The following ZSCAN22 variants were observed in gnomAD, a reference collection of about 807,000 sequenced individuals.
ZSCAN22 encodes zinc finger and SCAN domain-containing protein 22.
A neutral mutation model predicts 12.4 loss-of-function variants in ZSCAN22; 7 were observed. The ratio of observed to expected loss-of-function variants is 0.57; its 90% CI spans 0.32 to 1.06. The LOEUF (loss-of-function observed/expected upper bound fraction) is 1.06. Ranked by LOEUF, ZSCAN22 falls within the 50% of genes least tolerant of loss-of-function variation. ZSCAN22 has a pLI of 0.04. For missense variants in ZSCAN22, 576 were observed against 631.7 expected, an observed-to-expected ratio of 0.91 and a Z score of 0.94; for synonymous variants, 243 against 255.9, an observed-to-expected ratio of 0.95 and a Z score of 0.48.
chr19:58,339,446 TA>T lies in ZSCAN22; in HGVS notation c.*121del, dbSNP rs2147992302. 5 of 964,196 alleles carry T rather than the reference TA, an allele frequency of 5.2e-6. No homozygotes were observed. In the South Asian group the frequency reaches 8.7e-5, roughly 17 times the overall value. The allele number at this position is 964,196 out of a possible 1,614,324, so 59.7% of individuals were successfully genotyped here. On this transcript the variant is annotated 3_prime_UTR_variant, in exon 3 of 3. Transcript: ENST00000329665. This position sits in a 1 kb window ranked among gnomAD's most constrained non-coding sequence, Gnocchi z 5.6. ...GGTGATTGATGAGTTGTCAAAATGA[TA>T]GGTGCCTGAGGGCAGACTCGGGCTG...
intron 2 of ZSCAN22, among the ~76,000 whole-genome samples, chr19:58,336,918 T>G (rs1044736587): frequency 1.3e-5 from 2 of 152,192 alleles, no homozygotes; most frequent in African/African-American, 4.8e-5. Flanking sequence ...GAGTCCAGTT[T>G]CTGCACTGCT....
At position 58,340,863 on chromosome 19, in the gene ZSCAN22, C is replaced by T. The variant is rs150543982; in HGVS notation, c.*1537C>T. On this transcript the variant is annotated 3_prime_UTR_variant, in exon 3 of 3. Transcript: ENST00000329665. ...CCGGGAGCAGACTTCAGCTTGCCCT[C>T]TCTGCTTCCAGAGCACCTCCTAGAT... 2.6e-4 allele frequency: 39 copies of T among 152,250 alleles called. No homozygotes were observed. Among genetic ancestry groups the T allele is most frequent in the African/African-American group, 9.1e-4 (38 of 41,540 alleles). 9.4% of individuals were successfully genotyped at this position (152,250 alleles called of 1,614,324 possible). A position where few individuals can be genotyped will look rare whatever the true frequency, so the allele number is the denominator to read the frequency against.
intron 1 of ZSCAN22, among the ~76,000 whole-genome samples, chr19:58,333,243 GATGT>G (rs2051747628): frequency 6.6e-6 from 1 of 152,076 alleles, no homozygotes; most frequent in Non-Finnish European, 1.5e-5. Flanking sequence ...TTACTTTCTT[GATGT>G]GGTCCTTCAA....
intron 2 of ZSCAN22, among the ~76,000 whole-genome samples, chr19:58,337,381 G>T (rs1260971009): frequency 6.6e-6 from 1 of 151,382 alleles, no homozygotes; most frequent in Non-Finnish European, 1.5e-5. Context: ...AAGGCGTTGA[G>T]TGTGAGGGAC....
intron 1 of ZSCAN22, among the ~76,000 whole-genome samples, chr19:58,332,394 C>T (rs2051738074): frequency 6.6e-6 from 1 of 151,300 alleles, no homozygotes; most frequent in South Asian, 2.1e-4. Flanking sequence ...CTGCCTCAGC[C>T]TCCTGAGTAG....
chr19:58,340,344 A>C lies in ZSCAN22; in HGVS notation c.*1018A>C, dbSNP rs1429229877. 6.6e-6 allele frequency: 1 copy of C among 152,204 alleles called. No individual in the cohort carries two copies. The highest frequency in any genetic ancestry group is 1.5e-5 in the Non-Finnish European group (1 of 68,064). 9.4% of individuals were successfully genotyped at this position (152,204 alleles called of 1,614,324 possible). ...CGTGCAGTGAAAATGGCCTCATCTC[A>C]TACCATGGCTCCACCTTCCATACAC... On this transcript the variant is annotated 3_prime_UTR_variant, in exon 3 of 3. Coordinates refer to ENST00000329665, the MANE Select transcript of ZSCAN22 (RefSeq NM_181846.3).
Position 58,334,947 on chromosome 19 carries a change from C to A in ZSCAN22, c.145C>A (p.Arg49Ser). The A allele has an allele frequency of 6.2e-7, 1 of 1,614,144 alleles. No homozygotes were observed. Among genetic ancestry groups the A allele is most frequent in the Non-Finnish European group, 8.5e-7 (1 of 1,180,046 alleles). ...CCACATTGCTCACTCTGAGGCTGCA[C>A]GCCTGCGCTTCCGGCACTTCCGCTA... ...HDHIAHSEAA[R>S]LRFRHFRYEE... The change falls in exon 2 of 3, where the codon CGC (arginine) becomes AGC (serine). Residue 49 changes from arginine to serine, a missense_variant. By Grantham distance (110) the Arg-to-Ser change is moderately radical. Coordinates refer to ENST00000329665, the MANE Select transcript of ZSCAN22 (RefSeq NM_181846.3).
At position 58,340,254 on chromosome 19, in the gene ZSCAN22, C is replaced by T. The variant is rs1421743677; in HGVS notation, c.*928C>T. Reference sequence around the variant, plus strand: ...TAAGTATGCTGAGATGCAGGCTGCTCTGGGCCCCGAGCAACCTCTCCAGTT... The same window carrying T: ...TAAGTATGCTGAGATGCAGGCTGCTTTGGGCCCCGAGCAACCTCTCCAGTT... On this transcript the variant is annotated 3_prime_UTR_variant, in exon 3 of 3. Coordinates refer to ENST00000329665, the MANE Select transcript of ZSCAN22 (RefSeq NM_181846.3). 6.6e-6 allele frequency: 1 copy of T among 152,232 alleles called. No individual in the cohort carries two copies. Among genetic ancestry groups the T allele is most frequent in the East Asian group, 1.9e-4 (1 of 5,194 alleles). 9.4% of individuals were successfully genotyped at this position (152,232 alleles called of 1,614,324 possible).
chr19:58,329,363 C>T lies in ZSCAN22; in HGVS notation c.-52+2249C>T, dbSNP rs1600483224. Among the ~76,000 whole-genome samples, 2 of 152,298 alleles carry T rather than the reference C, an allele frequency of 1.3e-5. No individual in the cohort carries two copies. Among genetic ancestry groups the T allele is most frequent in the East Asian group, 3.9e-4 (2 of 5,182 alleles). On this transcript the variant is annotated intron_variant, in intron 1 of 2. Coordinates refer to ENST00000329665, the MANE Select transcript of ZSCAN22 (RefSeq NM_181846.3). This position sits in a 1 kb window ranked among gnomAD's most constrained non-coding sequence, Gnocchi z 4.1. The stretch of plus-strand genomic sequence containing the variant: ...AGAGACTCCAGGCACACTGAGCGTC[C>T]TGGCTGACATTGAAGGAAAGGAAAA...
At position 58,338,521 on chromosome 19, in the gene ZSCAN22, G is replaced by A. The variant is rs201287672; in HGVS notation, c.671G>A (p.Gly224Asp). ...VPTDQRGRES[G>D]ASRNSSSAWP... Reference sequence around the variant, plus strand: ...ACAGACCAGCGTGGCCGTGAATCTGGTGCCTCGAGGAACAGTTCTAGTGCG... The same window carrying A: ...ACAGACCAGCGTGGCCGTGAATCTGATGCCTCGAGGAACAGTTCTAGTGCG... Residue 224 changes from glycine (G) to aspartate (D), a missense_variant, in exon 3 of 3, where the codon GGT (glycine) becomes GAT (aspartate). Gly to Asp is a moderately conservative substitution (Grantham distance 94). Coordinates refer to ENST00000329665, the MANE Select transcript of ZSCAN22 (RefSeq NM_181846.3). The surrounding 1 kb of genome is among the most constrained non-coding windows in gnomAD (Gnocchi z 5.4). 9.4e-5 allele frequency: 151 copies of A among 1,614,090 alleles called. No homozygotes were observed. Among genetic ancestry groups the A allele is most frequent in the Non-Finnish European group, 1.2e-4 (147 of 1,180,054 alleles).
chr19:58,331,251 C>T (rs2051720316), intron 1 of ZSCAN22, among the ~76,000 whole-genome samples: 1 of 146,928 alleles, frequency 6.8e-6, no homozygotes, highest in Admixed American at 6.9e-5. Context: ...GAATCTCACT[C>T]TGTCGGCCAG....
In ZSCAN22 at chr19:58,340,480, C is replaced by CTTTTCTTT. The variant is rs1555778673; in HGVS notation, c.*1158_*1159insCTTTTTTT. 1.1e-3 allele frequency: 154 copies of CTTTTCTTT among 142,378 alleles called. No homozygotes were observed. Among genetic ancestry groups the CTTTTCTTT allele is most frequent in the African/African-American group, 3.8e-3 (141 of 36,760 alleles). The allele number at this position is 142,378 out of a possible 1,614,324, so 8.8% of individuals were successfully genotyped here. On this transcript the variant is annotated 3_prime_UTR_variant, in exon 3 of 3. Transcript: ENST00000329665. The stretch of plus-strand genomic sequence containing the variant: ...CTTCTTTTTCTTTTTCTTTTCTTTT[C>CTTTTCTTT]TTTTTTTTTTTTTGAGATGGAGTCT...
rs116321117 is a variant in ZSCAN22 at position 58,332,693 on chromosome 19, T to C, written c.-51-2059T>C. Among the ~76,000 whole-genome samples the C allele has an allele frequency of 3.2e-3, 487 of 152,340 alleles. 5 individuals are homozygous for C. The highest frequency in any genetic ancestry group is 0.011 in the African/African-American group (456 of 41,586). On this transcript the variant is annotated intron_variant, in intron 1 of 2. Transcript: ENST00000329665. ...TTCCATTATAGGTATATACAGCATTTTATCCATTCATCAGGTGGACATTTG... is the reference window on the plus strand; with the variant it reads ...TTCCATTATAGGTATATACAGCATTCTATCCATTCATCAGGTGGACATTTG...
At position 58,335,135 on chromosome 19, in the gene ZSCAN22, C is replaced by G. The variant is rs1337914741; in HGVS notation, c.333C>G (p.Ala111=). The change falls in exon 2 of 3, where the codon GCC becomes GCG. Residue 111 remains alanine (A), a synonymous_variant. Coordinates refer to ENST00000329665, the MANE Select transcript of ZSCAN22 (RefSeq NM_181846.3). The surrounding 1 kb of genome is among the most constrained non-coding windows in gnomAD (Gnocchi z 4.1). ...LPPEIQAWVG[A]QSPKSGEEAA... ...CAGAGATCCAAGCCTGGGTGGGAGC[C>G]CAGAGTCCCAAGAGCGGAGAGGAAG... The G allele has an allele frequency of 6.2e-7, 1 of 1,613,830 alleles. No homozygotes were observed. The highest frequency in any genetic ancestry group is 1.7e-5 in the Admixed American group (1 of 59,972).
In ZSCAN22 at chr19:58,334,912, C is replaced by G; in HGVS notation, c.110C>G (p.Ser37Cys). The stretch of plus-strand genomic sequence containing the variant: ...GCCAGCCTCTCCCAGGGCGGAGAAT[C>G]CAGCCATGACCACATTGCTCACTCT... ...EEASLSQGGE[S>C]SHDHIAHSEA... Residue 37 changes from serine (S) to cysteine (C), a missense_variant, in exon 2 of 3, where the codon TCC becomes TGC. By Grantham distance (112) the Ser-to-Cys change is moderately radical. Transcript: ENST00000329665. 2 of 1,614,150 alleles carry G rather than the reference C, an allele frequency of 1.2e-6. No individual in the cohort carries two copies. The highest frequency in any genetic ancestry group is 1.7e-6 in the Non-Finnish European group (2 of 1,180,042).
intron 1 of ZSCAN22, among the ~76,000 whole-genome samples, chr19:58,327,889 T>C (rs1342642163): frequency 1.3e-5 from 2 of 152,136 alleles, no homozygotes; most frequent in Non-Finnish European, 2.9e-5. Context: ...CTTGCTCTGT[T>C]GCCCAGGCTG....
chr19:58,337,476 C>A (rs1600492730), intron 2 of ZSCAN22, among the ~76,000 whole-genome samples: 1 of 39,018 alleles, frequency 2.6e-5, no homozygotes, highest in Non-Finnish European at 4.5e-5. Context: ...GGACAGAACT[C>A]CAACCCCACA....
intron 1 of ZSCAN22, 149 bp from the exon 2 acceptor site, chr19:58,334,603 A>C: frequency 8.3e-6 from 5 of 606,028 alleles, no homozygotes; most frequent in Non-Finnish European, 1.4e-5. Context: ...CTCAGCACCA[A>C]GTGGGTGCTG....
In ZSCAN22 at chr19:58,331,517, C is replaced by T. The variant is rs61219003; in HGVS notation, c.-51-3235C>T. 5.7e-3 allele frequency among the ~76,000 whole-genome samples: 570 copies of T among 100,574 alleles called. 1 individual carries two copies. Among genetic ancestry groups the T allele is most frequent in the South Asian group, 0.027 (76 of 2,804 alleles). 66.0% of individuals were successfully genotyped at this position (100,574 alleles called of 152,430 possible). On this transcript the variant is annotated intron_variant, in intron 1 of 2. Coordinates refer to ENST00000329665, the MANE Select transcript of ZSCAN22 (RefSeq NM_181846.3). Reference sequence around the variant, plus strand: ...GGTGTGAGCCACCGCGTCCAGCTGACGTTATTATTATTATTATTATTATTA... The same window carrying T: ...GGTGTGAGCCACCGCGTCCAGCTGATGTTATTATTATTATTATTATTATTA...
Sources: gnomAD v4.1 joint callset for allele counts (sites outside exome capture counted in the v4.1 genomes callset) on GRCh38, gnomAD v4.1.1 for gene constraint, Gnocchi (gnomAD v3.1) non-coding constraint, MANE v1.5 for transcripts, NCBI Gene and HGNC (gene_info 2026-07-23, HGNC 2026-07-21) for gene names.